MARCHF1: variants seen among roughly 807,000 people sequenced by gnomAD.
MARCHF1 encodes the protein membrane associated ring-CH-type finger 1, also known as E3 ubiquitin-protein ligase MARCHF1.
A neutral mutation model predicts 54.2 loss-of-function variants in MARCHF1; 40 were observed. The ratio of observed to expected loss-of-function variants is 0.74; its 90% CI spans 0.57 to 0.96. The LOEUF is 0.96. Among genes scored for constraint, MARCHF1 ranks in the 40% least tolerant of loss-of-function variants. The probability of loss-of-function intolerance (pLI) is 0.00; values close to 1 mark genes in which losing one functional copy is unlikely to be tolerated. For missense variants in MARCHF1, 586 were observed against 656.5 expected (o/e 0.89, Z 1.17); for synonymous variants, 236 against 236.3 (o/e 1.00, Z 0.01).
chr4:164,318,764 C>A (rs919743019), intron 1 of MARCHF1, among the ~76,000 whole-genome samples: 1 of 152,174 alleles, frequency 6.6e-6, no homozygotes, highest in African/African-American at 2.4e-5. Flanking sequence ...CAAGGTTCAT[C>A]AACCCTGACC....
chr4:164,333,528 C>T (rs748624055), intron 1 of MARCHF1, among the ~76,000 whole-genome samples: 1 of 152,266 alleles, frequency 6.6e-6, no homozygotes, highest in South Asian at 2.1e-4. Context: ...CATTTGGGGG[C>T]ACCATGAACT....
chr4:163,765,803 A>G (rs1165471146), intron 4 of MARCHF1, among the ~76,000 whole-genome samples: 8 of 146,854 alleles, frequency 5.4e-5, no homozygotes, highest in Non-Finnish European at 1.0e-4. Context: ...CTTCATCTTA[A>G]AGTGATATAC....
intron 4 of MARCHF1, among the ~76,000 whole-genome samples, chr4:163,709,944 G>A (rs1252021124): frequency 6.6e-6 from 1 of 152,122 alleles, no homozygotes; most frequent in Non-Finnish European, 1.5e-5. Flanking sequence ...ATTTAGATGT[G>A]CTAGAAAGAT....
At chr4:164,350,378 G>A (rs1730247922) in intron 1 of MARCHF1, among the ~76,000 whole-genome samples, 1 of 151,990 alleles carries the variant, frequency 6.6e-6, no homozygotes, top group Admixed American at 6.6e-5. Context: ...GATAGGGAGA[G>A]GTTTGTTAAT....
At chr4:163,531,930 G>T (rs1738367743) in intron 9 of MARCHF1, among the ~76,000 whole-genome samples, 2 of 151,912 alleles carry the variant, frequency 1.3e-5, no homozygotes, top group Admixed American at 6.6e-5. Context: ...AAGCTATGAT[G>T]AAGGAAATAA....
chr4:163,683,804 A>T (rs1579192468), intron 5 of MARCHF1, among the ~76,000 whole-genome samples: 1 of 152,198 alleles, frequency 6.6e-6, no homozygotes, highest in Non-Finnish European at 1.5e-5. Flanking sequence ...TGCATTCTGG[A>T]CATGGCTCAG....
chr4:163,680,935 AATAC>A (rs900022640), intron 5 of MARCHF1, among the ~76,000 whole-genome samples: 6 of 151,422 alleles, frequency 4.0e-5, no homozygotes, highest in African/African-American at 1.5e-4. Flanking sequence ...CACTGTGTCT[AATAC>A]ATACATACAT....
chr4:163,787,141 G>T (rs1390816615), intron 4 of MARCHF1, among the ~76,000 whole-genome samples: 1 of 151,572 alleles, frequency 6.6e-6, no homozygotes, highest in Non-Finnish European at 1.5e-5. Context: ...TTAAAAAAAG[G>T]AGAAAAGATT....
intron 1 of MARCHF1, among the ~76,000 whole-genome samples, chr4:164,347,231 C>A (rs975830512): frequency 9.2e-5 from 14 of 152,198 alleles, no homozygotes; most frequent in Admixed American, 2.0e-4. Context: ...TAGAACACCT[C>A]TTTTGAATAT....
chr4:164,091,772 T>A (rs896813602), intron 2 of MARCHF1, among the ~76,000 whole-genome samples: 7 of 152,064 alleles, frequency 4.6e-5, no homozygotes, highest in Admixed American at 4.6e-4. Flanking sequence ...AGCATTTAAT[T>A]AATTTTTGAA....
chr4:164,236,285 T>C (rs533603266), intron 1 of MARCHF1, among the ~76,000 whole-genome samples: 2 of 152,238 alleles, frequency 1.3e-5, no homozygotes, highest in African/African-American at 2.4e-5. Flanking sequence ...TAAATCAATA[T>C]ATAACCTTGT....
At position 164,230,972 on chromosome 4, in the gene MARCHF1, T is replaced by G. The variant is rs1487384215; in HGVS notation, c.-322-119310A>C. Among the ~76,000 whole-genome samples, 3 of 152,120 alleles carry G rather than the reference T, an allele frequency of 2.0e-5. No individual in the cohort carries two copies. The South Asian group carries it at 6.2e-4, about 31-fold the overall frequency. ...TGCTGCCTAGAAATTCTGGGAACAA[T>G]AGATATGTAAAAATAGAACACAAAT... On this transcript the variant is annotated intron_variant, in intron 1 of 9. Transcript: ENST00000514618.
At chr4:164,082,876 G>C (rs1164975107) in intron 2 of MARCHF1, among the ~76,000 whole-genome samples, 2 of 152,112 alleles carry the variant, frequency 1.3e-5, no homozygotes, top group Non-Finnish European at 1.5e-5. Flanking sequence ...ATCAGCACCA[G>C]CCATGTGGAA....
chr4:163,783,422 G>A (rs1747526949), intron 4 of MARCHF1, among the ~76,000 whole-genome samples: 1 of 152,130 alleles, frequency 6.6e-6, no homozygotes, highest in Non-Finnish European at 1.5e-5. Flanking sequence ...CCGAGTTTAG[G>A]TAGCTTCCAG....
intron 1 of MARCHF1, among the ~76,000 whole-genome samples, chr4:164,184,777 C>T (rs947933297): frequency 2.0e-5 from 3 of 152,164 alleles, no homozygotes; most frequent in African/African-American, 7.2e-5. Flanking sequence ...GTAGTCTCAG[C>T]TAGCCATAAT....
chr4:164,205,405 T>C (rs1355989843), intron 1 of MARCHF1, among the ~76,000 whole-genome samples: 1 of 152,204 alleles, frequency 6.6e-6, no homozygotes, highest in Non-Finnish European at 1.5e-5. Flanking sequence ...CAGAGTCATA[T>C]AGTGGAACCT....
chr4:164,348,974 G>T (rs1425204363), intron 1 of MARCHF1, among the ~76,000 whole-genome samples: 1 of 152,124 alleles, frequency 6.6e-6, no homozygotes, highest in Non-Finnish European at 1.5e-5. Context: ...GAGGATCTAA[G>T]GGTAAGCAAT....
intron 7 of MARCHF1, among the ~76,000 whole-genome samples, chr4:163,604,150 C>A (rs1741068044): frequency 6.6e-6 from 1 of 152,118 alleles, no homozygotes; most frequent in Admixed American, 6.6e-5. Flanking sequence ...ACAATCACCA[C>A]CTAGCTACTC....
chr4:163,612,815 A>G lies in MARCHF1; in HGVS notation c.466T>C (p.Tyr156His). ...QISSPRWREL[Y>H]TDSSDSSSTD... ...GAAGATGAATCTGAAGAATCTGTGT[A>G]AAGCTCCCTCCACCTGGGGCTTGAG... The change falls in exon 7 of 10, where the codon TAC (tyrosine) becomes CAC (histidine). Residue 156 changes from tyrosine (Y) to histidine (H), a missense_variant. Around this residue, in one of 3 missense-constraint regions of MARCHF1, gnomAD observed 387 missense variants for 394.6 expected, o/e 0.98. Transcript: ENST00000514618. 1 of 1,535,268 alleles carries G rather than the reference A, an allele frequency of 6.5e-7. No homozygotes were observed. Among genetic ancestry groups the G allele is most frequent in the Non-Finnish European group, 8.7e-7 (1 of 1,146,484 alleles).
Sources: gnomAD v4.1 joint callset for allele counts (sites outside exome capture counted in the v4.1 genomes callset) on GRCh38, gnomAD v4.1.1 for gene constraint, gnomAD v4.1.1 regional missense constraint, MANE v1.5 for transcripts, NCBI Gene and HGNC (gene_info 2026-07-23, HGNC 2026-07-21) for gene names.